SAE1: variants seen among roughly 807,000 people sequenced by gnomAD.
SAE1 encodes the protein SUMO1 activating enzyme subunit 1.
Under a neutral mutation model 40.6 loss-of-function variants are expected in SAE1, and 11 were observed. The observed-to-expected ratio is 0.27, with a 90% CI of 0.17 to 0.45. The LOEUF (loss-of-function observed/expected upper bound fraction) is 0.45, where lower values mean the gene tolerates loss of function less well. Ranked by LOEUF, SAE1 falls within the 20% of genes least tolerant of loss-of-function variation. The pLI is 1.00. For synonymous variants in SAE1, 155 were observed against 154.3 expected (o/e 1.00, Z -0.03); for missense variants, 373 against 427.3 (o/e 0.87, Z 1.12).
At chr19:47,202,961 T>C (rs1437844257) in intron 7 of SAE1, among the ~76,000 whole-genome samples, 1 of 152,182 alleles carries the variant, frequency 6.6e-6, no homozygotes, top group Non-Finnish European at 1.5e-5. Context: ...GAGGTAGTTC[T>C]GTAGGGAGGC....
chr19:47,169,274 T>C (rs2058415647), intron 5 of SAE1, among the ~76,000 whole-genome samples: 1 of 152,156 alleles, frequency 6.6e-6, no homozygotes, highest in South Asian at 2.1e-4. Flanking sequence ...TGAGGAGTCT[T>C]ACTCCTTCAT....
At position 47,142,023 on chromosome 19, in the gene SAE1, C is replaced by G. The variant is rs565165351; in HGVS notation, c.99-1471C>G. 3.3e-5 allele frequency among the ~76,000 whole-genome samples: 5 copies of G among 152,258 alleles called. No homozygotes were observed. The South Asian group carries it at 1.0e-3, about 32-fold the overall frequency. ...TGCTTCCTACTGACCTCAGAGAAGT[C>G]TTGGGATGGCCTGACCTCTGATTGC... On this transcript the variant is annotated intron_variant, in intron 1 of 8. Coordinates refer to ENST00000270225, the MANE Select transcript of SAE1 (RefSeq NM_005500.3).
intron 6 of SAE1, among the ~76,000 whole-genome samples, chr19:47,193,962 G>T (rs768882392): frequency 6.6e-6 from 1 of 151,864 alleles, no homozygotes; most frequent in Non-Finnish European, 1.5e-5. Flanking sequence ...CATTGGCACT[G>T]AGAAAAGCAT....
At chr19:47,160,769 T>G (rs916353580) in intron 5 of SAE1, among the ~76,000 whole-genome samples, 1 of 152,104 alleles carries the variant, frequency 6.6e-6, no homozygotes. Context: ...GACCTTGTGA[T>G]CCACCCGCCT....
chr19:47,151,377 C>G (rs1290526825), intron 3 of SAE1, among the ~76,000 whole-genome samples: 1 of 152,152 alleles, frequency 6.6e-6, no homozygotes, highest in South Asian at 2.1e-4. Flanking sequence ...TCTTGAACCC[C>G]TGACCTCAGG....
At chr19:47,162,947 G>A (rs1345888113) in intron 5 of SAE1, among the ~76,000 whole-genome samples, 1 of 152,108 alleles carries the variant, frequency 6.6e-6, no homozygotes, top group Non-Finnish European at 1.5e-5. Flanking sequence ...AGCTGAGATT[G>A]TGCCACTGTA....
chr19:47,164,615 T>G (rs1159587801), intron 5 of SAE1, among the ~76,000 whole-genome samples: 2 of 151,420 alleles, frequency 1.3e-5, no homozygotes, highest in African/African-American at 4.9e-5. Context: ...ATTTGATGGT[T>G]GATGGGCTAT....
chr19:47,135,964 C>T (rs443002), intron 1 of SAE1, among the ~76,000 whole-genome samples: 7,193 of 151,788 alleles, frequency 0.047, 502 homozygotes, highest in African/African-American at 0.16. Flanking sequence ...CCACCACGCC[C>T]GGCTAATTTC....
intron 3 of SAE1, among the ~76,000 whole-genome samples, chr19:47,152,458 G>T (rs567122039): frequency 6.6e-6 from 1 of 152,200 alleles, no homozygotes; most frequent in African/African-American, 2.4e-5. Context: ...AAGGAGGGGG[G>T]TAAAAAGCCC....
rs201495640 is a variant in SAE1 at position 47,193,868 on chromosome 19, AC to A, written c.734-3363del. 4.4e-3 allele frequency among the ~76,000 whole-genome samples: 662 copies of A among 151,176 alleles called. 2 individuals are homozygous for A. Among genetic ancestry groups the A allele is most frequent in the African/African-American group, 0.015 (633 of 41,096 alleles). On this transcript the variant is annotated intron_variant, in intron 6 of 8. Transcript: ENST00000270225. ...AAGAAAAGAAAAAGAAAAAGAAATT[AC>A]CTCTTCTCTGATATGCAGAGCCCCG...
intron 8 of SAE1, among the ~76,000 whole-genome samples, chr19:47,205,082 A>T (rs1039837912): frequency 1.3e-5 from 2 of 152,180 alleles, no homozygotes; most frequent in African/African-American, 4.8e-5. Context: ...TTGCCCGAAG[A>T]TGTTAAATTT....
chr19:47,182,231 C>A (rs1257781244), intron 6 of SAE1, among the ~76,000 whole-genome samples: 1 of 152,058 alleles, frequency 6.6e-6, no homozygotes, highest in Non-Finnish European at 1.5e-5. Flanking sequence ...GAAGAAACTT[C>A]TTATTTTAGA....
At chr19:47,176,131 G>A (rs1260581046) in intron 6 of SAE1, among the ~76,000 whole-genome samples, 2 of 152,166 alleles carry the variant, frequency 1.3e-5, no homozygotes. Flanking sequence ...ACACCGGTTG[G>A]GAACTTGCTT....
At chr19:47,136,865 G>C (rs150240456) in intron 1 of SAE1, among the ~76,000 whole-genome samples, 2,116 of 152,226 alleles carry the variant, frequency 0.014, 107 homozygotes, top group Admixed American at 0.096. Flanking sequence ...GAGGAAGGAG[G>C]CTCCACAGAG....
chr19:47,205,320 CTTTTTTT>C (rs11291244), intron 8 of SAE1, among the ~76,000 whole-genome samples: 2 of 129,246 alleles, frequency 1.5e-5, no homozygotes, highest in East Asian at 4.5e-4. Flanking sequence ...CCTAAGGCTA[CTTTTTTT>C]TTTTTTTTTT....
intron 4 of SAE1, 30 bp downstream of exon 4, chr19:47,153,070 A>G: frequency 2.6e-6 from 4 of 1,549,666 alleles, no homozygotes; most frequent in Non-Finnish European, 3.5e-6. Context: ...GGGAGAACAT[A>G]ACATTTTCTC....
chr19:47,131,567 TTGAGAGGCTC>T (rs1188372665), intron 1 of SAE1, among the ~76,000 whole-genome samples: 1 of 151,710 alleles, frequency 6.6e-6, no homozygotes, highest in Non-Finnish European at 1.5e-5. Context: ...AATGGGAATC[TTGAGAGGCTC>T]GGAGAGGCTG....
At chr19:47,200,131 C>A (rs531104420) in intron 7 of SAE1, among the ~76,000 whole-genome samples, 1 of 151,724 alleles carries the variant, frequency 6.6e-6, no homozygotes, top group Admixed American at 6.6e-5. Context: ...GATGTGGTTT[C>A]GCTGTGTTAG....
chr19:47,201,497 G>A (rs1313228951), intron 7 of SAE1, among the ~76,000 whole-genome samples: 6 of 145,134 alleles, frequency 4.1e-5, no homozygotes, highest in Admixed American at 7.1e-5. Context: ...TCAGCCTCTG[G>A]AGTAGCTGGG....
Sources: gnomAD v4.1 joint callset for allele counts (sites outside exome capture counted in the v4.1 genomes callset) on GRCh38, gnomAD v4.1.1 for gene constraint, MANE v1.5 for transcripts, NCBI Gene and HGNC (gene_info 2026-07-23, HGNC 2026-07-21) for gene names.